CPNE8: variants seen among roughly 807,000 people sequenced by gnomAD.
CPNE8 encodes copine 8, also known as copine-8.
CPNE8 carries 45 observed loss-of-function variants against 81.5 expected under a neutral mutation model. The ratio of observed to expected loss-of-function variants is 0.55; its 90% CI spans 0.44 to 0.71. The LOEUF is 0.71. CPNE8 is among the 30% of genes least tolerant of loss of function. CPNE8 has a pLI of 0.00. For missense variants in CPNE8, 594 were observed against 672.1 expected, an observed-to-expected ratio of 0.88 and a Z score of 1.28; for synonymous variants, 252 against 226.3, an observed-to-expected ratio of 1.11 and a Z score of -1.02.
intron 6 of CPNE8, among the ~76,000 whole-genome samples, chr12:38,800,295 C>G (rs1280280044): frequency 5.0e-5 from 1 of 20,166 alleles, no homozygotes; most frequent in African/African-American, 8.8e-5. Context: ...TCTCCCAGCA[C>G]GCAGCTGGAG....
At chr12:38,723,007 C>T (rs996990908) in intron 13 of CPNE8, among the ~76,000 whole-genome samples, 5 of 152,140 alleles carry the variant, frequency 3.3e-5, no homozygotes, top group African/African-American at 7.2e-5. Context: ...ATCGGTCATC[C>T]GCCATGATTA....
At chr12:38,885,733 G>A (rs1365178549) in intron 1 of CPNE8, among the ~76,000 whole-genome samples, 1 of 152,078 alleles carries the variant, frequency 6.6e-6, no homozygotes, top group African/African-American at 2.4e-5. Flanking sequence ...CAAATCTCAG[G>A]TAGAATTGTA....
At chr12:38,717,891 C>G (rs1297033422) in intron 13 of CPNE8, among the ~76,000 whole-genome samples, 2 of 152,022 alleles carry the variant, frequency 1.3e-5, no homozygotes, top group Non-Finnish European at 2.9e-5. Flanking sequence ...AAACCATCCA[C>G]AAATGCAGCA....
Position 38,653,617 on chromosome 12 carries a change from T to TAAAAAAAAAGAAA in CPNE8, c.*264_*265insTTTCTTTTTTTTT, listed in dbSNP as rs1938749987. ...TACATTGGAAATTAGCTGTTTCTGT[T>TAAAAAAAAAGAAA]AAAAAAAAAAAGAAAGAAAGATTTA... On this transcript the variant is annotated 3_prime_UTR_variant, in exon 20 of 20. Transcript: ENST00000331366. 6.9e-6 allele frequency: 1 copy of TAAAAAAAAAGAAA among 144,564 alleles called. No homozygotes were observed. The highest frequency in any genetic ancestry group is 1.5e-5 in the Non-Finnish European group (1 of 67,906). The allele number at this position is 144,564 out of a possible 1,614,324, so 9.0% of individuals were successfully genotyped here.
intron 6 of CPNE8, among the ~76,000 whole-genome samples, chr12:38,784,891 C>T (rs1400372509): frequency 6.6e-6 from 1 of 152,008 alleles, no homozygotes; most frequent in Non-Finnish European, 1.5e-5. Flanking sequence ...GAGAATATCT[C>T]AAATCAGAAA....
chr12:38,828,150 A>C (rs1235116265), intron 6 of CPNE8, among the ~76,000 whole-genome samples: 2 of 152,186 alleles, frequency 1.3e-5, no homozygotes, highest in African/African-American at 4.8e-5. Context: ...GACAAAAAAC[A>C]AAAGGTAGAT....
intron 13 of CPNE8, among the ~76,000 whole-genome samples, chr12:38,717,078 C>A (rs1312122563): frequency 2.0e-5 from 3 of 151,890 alleles, no homozygotes; most frequent in Non-Finnish European, 4.4e-5. Context: ...CAAATTAAAA[C>A]CATGATGAGA....
intron 6 of CPNE8, among the ~76,000 whole-genome samples, chr12:38,799,805 G>C (rs376655285): frequency 0.065 from 9,318 of 142,342 alleles, 1,002 homozygotes; most frequent in African/African-American, 0.21. Flanking sequence ...TGCGCGCACC[G>C]TGCGCGAGCC....
chr12:38,698,972 A>G (rs1393208460), intron 14 of CPNE8, among the ~76,000 whole-genome samples: 1 of 152,182 alleles, frequency 6.6e-6, no homozygotes, highest in African/African-American at 2.4e-5. Context: ...ATTTCATATT[A>G]ATTTCCATAT....
In CPNE8 at chr12:38,735,798, C is replaced by T. The variant is rs1361540650; in HGVS notation, c.723-5440G>A. Reference sequence around the variant, plus strand: ...ACTAGCATGATTTTTAATTAATTGCCCCAGTAAACACAAACTATAAGCATA... The same window carrying T: ...ACTAGCATGATTTTTAATTAATTGCTCCAGTAAACACAAACTATAAGCATA... On this transcript the variant is annotated intron_variant, in intron 10 of 19. Transcript: ENST00000331366. 2.0e-5 allele frequency among the ~76,000 whole-genome samples: 3 copies of T among 151,732 alleles called. No individual in the cohort carries two copies. In the East Asian group the frequency reaches 5.8e-4, roughly 29 times the overall value.
At chr12:38,870,462 A>C (rs1943975161) in intron 3 of CPNE8, among the ~76,000 whole-genome samples, 1 of 152,260 alleles carries the variant, frequency 6.6e-6, no homozygotes, top group Admixed American at 6.5e-5. Flanking sequence ...CTATGCAGCC[A>C]TAAAAAAGGA....
chr12:38,899,521 AC>A (rs139801948), intron 1 of CPNE8, among the ~76,000 whole-genome samples: 6,621 of 152,312 alleles, frequency 0.043, 170 homozygotes, highest in East Asian at 0.12. Context: ...CCAGAACTGA[AC>A]CAGACAAACA....
intron 13 of CPNE8, among the ~76,000 whole-genome samples, chr12:38,722,956 C>T (rs1940603008): frequency 1.3e-5 from 2 of 152,136 alleles, no homozygotes; most frequent in Admixed American, 1.3e-4. Context: ...TGCACTCTCT[C>T]GCCTGCTGCC....
intron 15 of CPNE8, 173 bp from the exon 16 acceptor site, chr12:38,685,790 A>C: frequency 1.9e-6 from 1 of 519,754 alleles, no homozygotes; most frequent in Non-Finnish European, 3.4e-6. Flanking sequence ...GTGATCAACA[A>C]TCGATTATGA....
rs183759218 is a variant in CPNE8, at chr12:38,849,720, C to A, written c.187-1058G>T. On this transcript the variant is annotated intron_variant, in intron 3 of 19. Coordinates refer to ENST00000331366, the MANE Select transcript of CPNE8 (RefSeq NM_153634.3). ...TGCCATTGGACAATGTTTTATATCA[C>A]AGACCAATATCATACAGACAAATTA... 6.6e-5 allele frequency among the ~76,000 whole-genome samples: 10 copies of A among 152,312 alleles called. No homozygotes were observed. In the East Asian group the frequency reaches 1.9e-3, roughly 29 times the overall value.
At chr12:38,827,941 C>A (rs777580794) in intron 6 of CPNE8, among the ~76,000 whole-genome samples, 2 of 152,138 alleles carry the variant, frequency 1.3e-5, no homozygotes, top group Non-Finnish European at 2.9e-5. Context: ...ATCTACCTAA[C>A]AAACCTGCAC....
chr12:38,819,766 CAAA>C (rs71068584), intron 6 of CPNE8, among the ~76,000 whole-genome samples: 2 of 65,308 alleles, frequency 3.1e-5, no homozygotes, highest in African/African-American at 1.2e-4. Context: ...GACTCCGTCT[CAAA>C]AAAAAAAAAA....
intron 13 of CPNE8, 25 bp downstream of exon 13, chr12:38,723,747 G>T: frequency 2.7e-6 from 4 of 1,478,650 alleles, no homozygotes; most frequent in Non-Finnish European, 2.8e-6. Context: ...CCTAAGCAAC[G>T]AAACAATTTG....
chr12:38,690,910 AC>A (rs1343902406), intron 15 of CPNE8, among the ~76,000 whole-genome samples: 2 of 152,190 alleles, frequency 1.3e-5, no homozygotes, highest in African/African-American at 4.8e-5. Context: ...CAAAATCCCA[AC>A]AGATACTCAT....
Sources: gnomAD v4.1 joint callset for allele counts (sites outside exome capture counted in the v4.1 genomes callset) on GRCh38, gnomAD v4.1.1 for gene constraint, MANE v1.5 for transcripts, NCBI Gene and HGNC (gene_info 2026-07-23, HGNC 2026-07-21) for gene names.